MAML3: variants seen among roughly 807,000 people sequenced by gnomAD.
MAML3 encodes mastermind-like protein 3.
MAML3 carries 27 observed loss-of-function variants against 101.9 expected under a neutral mutation model. The observed-to-expected ratio is 0.27, with a 90% CI of 0.20 to 0.37. The LOEUF is 0.37. MAML3 is among the 10% of genes least tolerant of loss of function. The pLI is 1.00. For synonymous variants in MAML3, 501 were observed against 555.9 expected, an observed-to-expected ratio of 0.90 and a Z score of 1.39; for missense variants, 1,316 against 1,444.9, an observed-to-expected ratio of 0.91 and a Z score of 1.45.
intron 2 of MAML3, among the ~76,000 whole-genome samples, chr4:139,754,285 T>A (rs997815492): frequency 3.3e-5 from 5 of 152,246 alleles, no homozygotes; most frequent in African/African-American, 1.2e-4. Context: ...TTAAACATTA[T>A]TTTCTTCTTG....
chr4:139,952,562 A>C (rs1170970270), intron 1 of MAML3, among the ~76,000 whole-genome samples: 1 of 152,316 alleles, frequency 6.6e-6, no homozygotes, highest in African/African-American at 2.4e-5. Flanking sequence ...GCAGTTAAAA[A>C]AAAACAAAAC....
At chr4:139,760,321 G>A (rs569068905) in intron 2 of MAML3, among the ~76,000 whole-genome samples, 2 of 152,348 alleles carry the variant, frequency 1.3e-5, no homozygotes, top group South Asian at 2.1e-4. Flanking sequence ...TAGAATTCAG[G>A]TGAACAAGAA....
At chr4:140,132,052 C>T (rs1422486271) in intron 1 of MAML3, among the ~76,000 whole-genome samples, 1 of 152,240 alleles carries the variant, frequency 6.6e-6, no homozygotes, top group Non-Finnish European at 1.5e-5. Context: ...TTGTTCACCA[C>T]ACAGAGGTGC....
intron 2 of MAML3, among the ~76,000 whole-genome samples, chr4:139,784,893 G>A (rs974080792): frequency 6.6e-6 from 1 of 152,198 alleles, no homozygotes; most frequent in African/African-American, 2.4e-5. Context: ...ATGTGTGCAC[G>A]TGGACATGGA....
intron 1 of MAML3, among the ~76,000 whole-genome samples, chr4:140,036,922 G>A (rs1726994930): frequency 6.6e-6 from 1 of 152,062 alleles, no homozygotes; most frequent in East Asian, 1.9e-4. Flanking sequence ...CTGCTGCTAT[G>A]GTCAGTGCTC....
intron 2 of MAML3, among the ~76,000 whole-genome samples, chr4:139,790,390 G>A (rs1488966223): frequency 6.7e-6 from 1 of 149,470 alleles, no homozygotes; most frequent in East Asian, 2.0e-4. Flanking sequence ...TTTCATTGTA[G>A]AAAACATACA....
At chr4:139,743,634 C>T (rs1729230346) in intron 2 of MAML3, among the ~76,000 whole-genome samples, 1 of 152,168 alleles carries the variant, frequency 6.6e-6, no homozygotes, top group South Asian at 2.1e-4. Flanking sequence ...AACTTGAAAT[C>T]TGTCTCAGAT....
chr4:139,827,094 G>T (rs1358108777), intron 2 of MAML3, among the ~76,000 whole-genome samples: 2 of 152,198 alleles, frequency 1.3e-5, no homozygotes, highest in African/African-American at 4.8e-5. Flanking sequence ...TGCATGATAG[G>T]AGCGTCTTGG....
intron 2 of MAML3, among the ~76,000 whole-genome samples, chr4:139,850,903 T>TAA (rs747388081): frequency 7.2e-6 from 1 of 139,822 alleles, no homozygotes; most frequent in African/African-American, 2.6e-5. Flanking sequence ...TTTGCAAGAT[T>TAA]AAAAAAAAAA....
At chr4:139,947,527 A>G (rs1002618976) in intron 1 of MAML3, among the ~76,000 whole-genome samples, 1 of 152,202 alleles carries the variant, frequency 6.6e-6, no homozygotes, top group Non-Finnish European at 1.5e-5. Flanking sequence ...TGTCCTATTT[A>G]TTAAAAGAAC....
intron 2 of MAML3, chr4:139,888,448 G>T: frequency 4.1e-6 from 2 of 482,688 alleles, no homozygotes; most frequent in Non-Finnish European, 8.3e-6. Flanking sequence ...ATCCATGTAG[G>T]GCAGGGGGAG....
intron 2 of MAML3, among the ~76,000 whole-genome samples, chr4:139,861,368 C>T: frequency 6.6e-6 from 1 of 152,204 alleles, no homozygotes; most frequent in African/African-American, 2.4e-5. Context: ...TTTCTCTCTG[C>T]TCCTCCAAGC....
chr4:139,778,982 C>CAAAAAA (rs67782985), intron 2 of MAML3, among the ~76,000 whole-genome samples: 5 of 100,632 alleles, frequency 5.0e-5, no homozygotes, highest in Admixed American at 2.1e-4. Flanking sequence ...GACTCCACCT[C>CAAAAAA]AAAAAAAAAA....
rs150303351 is a variant in MAML3, at chr4:139,899,463, A to G, written c.469-8496T>C. On this transcript the variant is annotated intron_variant, in intron 1 of 4. Transcript: ENST00000509479. The stretch of plus-strand genomic sequence containing the variant: ...CTGACCATTTCCCCCTCCACATTAT[A>G]TATTTCCCTTCACTTTCATTCAGTG... Among the ~76,000 whole-genome samples, 33 of 152,286 alleles carry G rather than the reference A, an allele frequency of 2.2e-4. 1 individual carries two copies. Among genetic ancestry groups the G allele is most frequent in the African/African-American group, 6.0e-4 (25 of 41,552 alleles).
intron 1 of MAML3, among the ~76,000 whole-genome samples, chr4:140,103,233 T>C (rs1728281429): frequency 6.6e-6 from 1 of 152,178 alleles, no homozygotes; most frequent in African/African-American, 2.4e-5. Flanking sequence ...GAGTGCTATA[T>C]AGCTAATAAA....
chr4:139,847,306 G>A (rs1731467785), intron 2 of MAML3, among the ~76,000 whole-genome samples: 1 of 152,190 alleles, frequency 6.6e-6, no homozygotes, highest in Admixed American at 6.5e-5. Context: ...TGGGTGCAGA[G>A]GGCAGCATGG....
chr4:139,800,299 C>T (rs535179242), intron 2 of MAML3, among the ~76,000 whole-genome samples: 1 of 152,178 alleles, frequency 6.6e-6, no homozygotes, highest in East Asian at 1.9e-4. Context: ...TTACCTGTCC[C>T]GTCTTCCTTA....
At chr4:139,799,818 C>A (rs1323609885) in intron 2 of MAML3, among the ~76,000 whole-genome samples, 1 of 152,144 alleles carries the variant, frequency 6.6e-6, no homozygotes, top group African/African-American at 2.4e-5. Context: ...GATTTCAATT[C>A]CAGTCCTTTA....
At chr4:139,809,662 T>C (rs1730759597) in intron 2 of MAML3, among the ~76,000 whole-genome samples, 1 of 152,056 alleles carries the variant, frequency 6.6e-6, no homozygotes, top group Non-Finnish European at 1.5e-5. Flanking sequence ...ACGGAAACCA[T>C]ATGTGTTCTC....
Sources: gnomAD v4.1 joint callset for allele counts (sites outside exome capture counted in the v4.1 genomes callset) on GRCh38, gnomAD v4.1.1 for gene constraint, MANE v1.5 for transcripts, NCBI Gene and HGNC (gene_info 2026-07-23, HGNC 2026-07-21) for gene names.